CBLB: variants seen among roughly 807,000 people sequenced by gnomAD.
CBLB encodes Cbl proto-oncogene B.
CBLB carries 31 observed loss-of-function variants against 104.9 expected under a neutral mutation model. The observed-to-expected ratio is 0.30, with a 90% CI of 0.22 to 0.40. CBLB has a LOEUF of 0.40. Among genes scored for constraint, CBLB ranks in the 10% least tolerant of loss-of-function variants. CBLB has a pLI of 1.00. For missense variants in CBLB, 1,062 were observed against 1,214.6 expected, an observed-to-expected ratio of 0.87 and a Z score of 1.87; for synonymous variants, 440 against 422.6, an observed-to-expected ratio of 1.04 and a Z score of -0.51.
At chr3:105,700,321 T>TATGTTA (rs1440885176) in intron 12 of CBLB, among the ~76,000 whole-genome samples, 1 of 152,104 alleles carries the variant, frequency 6.6e-6, no homozygotes, top group Non-Finnish European at 1.5e-5. Context: ...ATGAAATGGC[T>TATGTTA]ATAACAACTA....
intron 3 of CBLB, among the ~76,000 whole-genome samples, chr3:105,783,532 T>G (rs1017051900): frequency 6.6e-6 from 1 of 152,168 alleles, no homozygotes; most frequent in African/African-American, 2.4e-5. Context: ...ATTTAGTCAT[T>G]TATTCTTCAA....
rs2063450675 is a variant in CBLB, at chr3:105,657,860, G to A, written c.*1110C>T. The stretch of plus-strand genomic sequence containing the variant: ...CAAAAAACATTGCCACAGTAGCCTT[G>A]ACACTCAACAGTGCAACGAAGAGTT... On this transcript the variant is annotated 3_prime_UTR_variant, in exon 19 of 19. Transcript: ENST00000394030. The A allele has an allele frequency of 4.8e-6, 1 of 209,734 alleles. No homozygotes were observed. The highest frequency in any genetic ancestry group is 5.9e-5 in the Admixed American group (1 of 16,994). 13.0% of individuals were successfully genotyped at this position (209,734 alleles called of 1,614,324 possible).
At chr3:105,748,187 T>C (rs1330251437) in intron 5 of CBLB, among the ~76,000 whole-genome samples, 2 of 152,178 alleles carry the variant, frequency 1.3e-5, no homozygotes, top group Non-Finnish European at 2.9e-5. Context: ...ATCTAGATAC[T>C]TTTAAATGAC....
chr3:105,869,389 C>T, upstream of CBLB: 2 of 1,341,556 alleles, frequency 1.5e-6, no homozygotes, highest in Non-Finnish European at 2.0e-6. Context: ...CCAAAGCCAT[C>T]TGGGGCTGAA....
intron 3 of CBLB, among the ~76,000 whole-genome samples, chr3:105,803,761 T>C (rs530558024): frequency 2.6e-5 from 4 of 152,322 alleles, no homozygotes; most frequent in South Asian, 2.1e-4. Flanking sequence ...TTAAAGATAA[T>C]AGAATGAACT....
chr3:105,670,444 G>T, intron 17 of CBLB, 92 bp from the exon 18 acceptor site: 3 of 1,026,248 alleles, frequency 2.9e-6, no homozygotes, highest in South Asian at 1.4e-5. Flanking sequence ...GAAGATTATG[G>T]CTTTCAAAAA....
intron 2 of CBLB, among the ~76,000 whole-genome samples, chr3:105,861,783 C>A (rs977571961): frequency 6.6e-6 from 1 of 151,870 alleles, no homozygotes; most frequent in East Asian, 1.9e-4. Flanking sequence ...CCTTCCTTTT[C>A]ATTGTTGTTA....
intron 10 of CBLB, 54 bp downstream of exon 10, chr3:105,719,993 T>C: frequency 1.5e-6 from 2 of 1,329,792 alleles, no homozygotes; most frequent in African/African-American, 2.9e-5. Flanking sequence ...GACGGCATCA[T>C]TTCCTTTTCA....
intron 3 of CBLB, among the ~76,000 whole-genome samples, chr3:105,846,506 C>T (rs1195647534): frequency 6.6e-6 from 1 of 152,018 alleles, no homozygotes; most frequent in East Asian, 1.9e-4. Flanking sequence ...ACTGAGGTAG[C>T]AACAGTAGCA....
intron 5 of CBLB, among the ~76,000 whole-genome samples, chr3:105,746,454 T>C (rs2076109357): frequency 1.3e-5 from 2 of 152,212 alleles, no homozygotes; most frequent in Non-Finnish European, 2.9e-5. Context: ...AGCAGTTCCC[T>C]TTTTTGTCTC....
intron 5 of CBLB, chr3:105,749,747 C>A: frequency 3.1e-6 from 1 of 322,208 alleles, no homozygotes; most frequent in African/African-American, 2.2e-5. Flanking sequence ...ATAAGATATT[C>A]TGTAAAATTA....
At chr3:105,718,691 G>A (rs1225980718) in intron 10 of CBLB, among the ~76,000 whole-genome samples, 2 of 152,148 alleles carry the variant, frequency 1.3e-5, no homozygotes, top group African/African-American at 2.4e-5. Context: ...GGGCTGTGTT[G>A]AAAGGCTCTG....
intron 10 of CBLB, among the ~76,000 whole-genome samples, chr3:105,713,511 G>A (rs1169075640): frequency 6.6e-6 from 1 of 152,108 alleles, no homozygotes; most frequent in Admixed American, 6.6e-5. Flanking sequence ...TCTACCTGAG[G>A]CAGTGGACTC....
intron 9 of CBLB, among the ~76,000 whole-genome samples, chr3:105,721,560 A>G (rs2072832307): frequency 6.6e-6 from 1 of 152,180 alleles, no homozygotes; most frequent in South Asian, 2.1e-4. Context: ...GCTTGTACAT[A>G]ATTTGGAAAA....
chr3:105,821,851 C>T (rs983935291), intron 3 of CBLB, among the ~76,000 whole-genome samples: 1 of 152,156 alleles, frequency 6.6e-6, no homozygotes, highest in South Asian at 2.1e-4. Context: ...GTCATGATTT[C>T]ATCCCTTCTC....
Position 105,868,946 on chromosome 3 carries a change from G to T in CBLB, c.-225C>A. The T allele has an allele frequency of 9.8e-7, 1 of 1,022,534 alleles. No individual in the cohort carries two copies. Among genetic ancestry groups the T allele is most frequent in the Non-Finnish European group, 1.2e-6 (1 of 854,080 alleles). The allele number at this position is 1,022,534 out of a possible 1,614,324, so 63.3% of individuals were successfully genotyped here. ...AAATCCACACCCGCTCTCCCCTCCC[G>T]CCCGACTCGGGGAGGCCGCGGGACG... On this transcript the variant is annotated 5_prime_UTR_variant, in exon 1 of 19. Transcript: ENST00000394030.
At position 105,702,476 on chromosome 3, in the gene CBLB, G is replaced by GGAAAAA; in HGVS notation, c.1594-18_1594-17insTTTTTC. On this transcript the variant is annotated splice_polypyrimidine_tract_variant and intron_variant, in intron 11 of 18. Transcript: ENST00000394030. ...AGGAGAAGACTAAAGAAACAGAAGA[G>GGAAAAA]AAAAAAAAAAAAAAAAAAAAAAACT... is the stretch of plus-strand genomic sequence containing the variant. 3.6e-6 allele frequency: 1 copy of GGAAAAA among 277,062 alleles called. No homozygotes were observed. Among genetic ancestry groups the GGAAAAA allele is most frequent in the East Asian group, 9.1e-5 (1 of 11,044 alleles). 17.2% of individuals were successfully genotyped at this position (277,062 alleles called of 1,614,324 possible). A position where few individuals can be genotyped will look rare whatever the true frequency, so the allele number is the denominator to read the frequency against.
chr3:105,714,791 A>G (rs975320763), intron 10 of CBLB, among the ~76,000 whole-genome samples: 22 of 152,346 alleles, frequency 1.4e-4, no homozygotes, highest in Non-Finnish European at 2.6e-4. Flanking sequence ...AGGAAATGCA[A>G]TACTTAGATG....
At chr3:105,859,778 C>T (rs945138896) in intron 2 of CBLB, among the ~76,000 whole-genome samples, 3 of 151,550 alleles carry the variant, frequency 2.0e-5, no homozygotes, top group Non-Finnish European at 4.4e-5. Context: ...TAACAGGTAC[C>T]GAAGAGTTCT....
Sources: gnomAD v4.1 joint callset for allele counts (sites outside exome capture counted in the v4.1 genomes callset) on GRCh38, gnomAD v4.1.1 for gene constraint, MANE v1.5 for transcripts, NCBI Gene and HGNC (gene_info 2026-07-23, HGNC 2026-07-21) for gene names.